NUP160: variants seen among roughly 807,000 people sequenced by gnomAD.
NUP160 encodes the protein nuclear pore complex protein Nup160.
Under a neutral mutation model 196.9 loss-of-function variants are expected in NUP160, and 94 were observed. The ratio of observed to expected loss-of-function variants is 0.48; its 90% CI spans 0.40 to 0.57. The LOEUF is 0.57. NUP160 is among the 20% of genes least tolerant of loss of function. The probability of loss-of-function intolerance (pLI) is 0.00; values close to 1 mark genes in which losing one functional copy is unlikely to be tolerated. For missense variants in NUP160, 1,638 were observed against 1,748.3 expected, an observed-to-expected ratio of 0.94 and a Z score of 1.13; for synonymous variants, 605 against 619.7, an observed-to-expected ratio of 0.98 and a Z score of 0.35.
At chr11:47,793,233 C>A (rs2097668934) in intron 27 of NUP160, among the ~76,000 whole-genome samples, 1 of 152,124 alleles carries the variant, frequency 6.6e-6, no homozygotes, top group Admixed American at 6.6e-5. Flanking sequence ...GATCCGCCCA[C>A]CTCAGCCTCC....
intron 7 of NUP160, among the ~76,000 whole-genome samples, chr11:47,829,644 A>T (rs1267781049): frequency 2.0e-5 from 3 of 152,142 alleles, no homozygotes; most frequent in African/African-American, 4.8e-5. Flanking sequence ...CAAAAAAGAC[A>T]AACTAATTAA....
At chr11:47,839,801 T>A (rs1852258146) in intron 4 of NUP160, 42 bp downstream of exon 4, 5 of 1,492,798 alleles carry the variant, frequency 3.3e-6, no homozygotes, top group Non-Finnish European at 4.7e-6. Context: ...ATGTTAACAT[T>A]CCTTGTTTAA....
intron 7 of NUP160, among the ~76,000 whole-genome samples, chr11:47,833,380 A>C (rs191445892): frequency 1.9e-3 from 284 of 151,914 alleles, no homozygotes; most frequent in Middle Eastern, 0.014. Context: ...GCTTGAACCC[A>C]GGAGGCAGAG....
chr11:47,831,842 C>CAAAAAAAAAAAAAAAAAAAAAAAAAAA (rs372159602), intron 7 of NUP160, among the ~76,000 whole-genome samples: 1 of 66,666 alleles, frequency 1.5e-5, no homozygotes, highest in African/African-American at 7.1e-5. Context: ...GACTCTCTCT[C>CAAAAAAAAAAAAAAAAAAAAAAAAAAA]AAAAAAAAAA....
chr11:47,791,173 G>A (rs143701567), intron 29 of NUP160, among the ~76,000 whole-genome samples: 2 of 151,272 alleles, frequency 1.3e-5, no homozygotes, highest in South Asian at 4.2e-4. Context: ...TTTTTACAAT[G>A]TTCCTTACAC....
chr11:47,816,609 T>C (rs1439549312), intron 11 of NUP160, among the ~76,000 whole-genome samples: 1 of 152,000 alleles, frequency 6.6e-6, no homozygotes, highest in Non-Finnish European at 1.5e-5. Context: ...ACCTTGTCTC[T>C]ACTAAAAACT....
At chr11:47,834,831 G>A (rs907628832) in intron 7 of NUP160, among the ~76,000 whole-genome samples, 8 of 152,120 alleles carry the variant, frequency 5.3e-5, no homozygotes, top group African/African-American at 7.2e-5. Flanking sequence ...GGAGGAGCAC[G>A]AACAGTTTGA....
chr11:47,820,823 T>A (rs1362558039), intron 9 of NUP160, among the ~76,000 whole-genome samples: 1 of 152,110 alleles, frequency 6.6e-6, no homozygotes, highest in African/African-American at 2.4e-5. Flanking sequence ...GTACTGGGAT[T>A]ACAGGCATGA....
At chr11:47,812,476 G>A (rs1482573989) in intron 15 of NUP160, 47 bp from the exon 16 acceptor site, 1 of 1,572,060 alleles carries the variant, frequency 6.4e-7, no homozygotes, top group Non-Finnish European at 8.6e-7. Context: ...GAATACGTAA[G>A]GCAAGTTCTA....
chr11:47,831,680 A>G (rs1348097252), intron 7 of NUP160, among the ~76,000 whole-genome samples: 1 of 151,444 alleles, frequency 6.6e-6, no homozygotes, highest in Non-Finnish European at 1.5e-5. Flanking sequence ...CCTCTACTAA[A>G]AAAATACAAA....
intron 23 of NUP160, among the ~76,000 whole-genome samples, chr11:47,800,190 G>A (rs569479745): frequency 2.0e-5 from 3 of 150,276 alleles, no homozygotes; most frequent in Non-Finnish European, 4.4e-5. Flanking sequence ...GTAGACGGAG[G>A]TTGCAGTGAG....
rs148985094 is a variant in NUP160 at position 47,818,161 on chromosome 11, A to T, written c.1363-37T>A. On this transcript the variant is annotated intron_variant, in intron 10 of 35. Transcript: ENST00000378460. ...TTAAAACAAAAGTTACTATTGTCCT[A>T]AACAAAATTTGGAATTCAACACATA... 3.5e-6 allele frequency: 5 copies of T among 1,445,408 alleles called. No homozygotes were observed. The East Asian group carries it at 1.1e-4, about 33-fold the overall frequency. The allele number at this position is 1,445,408 out of a possible 1,614,324, so 89.5% of individuals were successfully genotyped here.
intron 23 of NUP160, among the ~76,000 whole-genome samples, chr11:47,801,210 T>A (rs1048381928): frequency 2.6e-5 from 4 of 152,160 alleles, no homozygotes; most frequent in Non-Finnish European, 4.4e-5. Flanking sequence ...AATTAAATAA[T>A]AAAATTCTAA....
chr11:47,788,571 C>G, exon 30 of NUP160: 3 of 1,614,106 alleles, frequency 1.9e-6, no homozygotes, highest in Non-Finnish European at 2.5e-6. Flanking sequence ...AACACTCTTT[C>G]TCCAGATCTT....
chr11:47,792,185 CCATAA>C, intron 28 of NUP160, 195 bp from the exon 29 acceptor site: 1 of 534,022 alleles, frequency 1.9e-6, no homozygotes, highest in Non-Finnish European at 3.3e-6. Context: ...GTTAACTTAA[CCATAA>C]CATATTACTG....
chr11:47,848,280 C>T (rs1852442541), exon 1 of NUP160: 1 of 1,614,084 alleles, frequency 6.2e-7, no homozygotes, highest in Non-Finnish European at 8.5e-7. Context: ...CTCCGCTTAG[C>T]TCCACGAAGC....
intron 11 of NUP160, 114 bp downstream of exon 11, chr11:47,817,938 ATATG>A: frequency 1.8e-6 from 1 of 564,808 alleles, no homozygotes; most frequent in South Asian, 2.9e-5. Flanking sequence ...ACAAACACAC[ATATG>A]TATGAATACA....
At chr11:47,789,222 G>A (rs2097666525) in intron 29 of NUP160, among the ~76,000 whole-genome samples, 1 of 152,086 alleles carries the variant, frequency 6.6e-6, no homozygotes. Context: ...GCCCAGGCTG[G>A]TCTTGAACTC....
intron 18 of NUP160, among the ~76,000 whole-genome samples, chr11:47,808,004 CTGGCG>C (rs2097678778): frequency 6.6e-6 from 1 of 152,142 alleles, no homozygotes; most frequent in African/African-American, 2.4e-5. Context: ...TTTTTCCCGG[CTGGCG>C]TGGTGGCCCA....
Sources: gnomAD v4.1 joint callset for allele counts (sites outside exome capture counted in the v4.1 genomes callset) on GRCh38, gnomAD v4.1.1 for gene constraint, MANE v1.5 for transcripts, NCBI Gene and HGNC (gene_info 2026-07-23, HGNC 2026-07-21) for gene names.